Variants in CASS4 observed in about 807,000 individuals in gnomAD.
CASS4 encodes the protein cas scaffolding protein family member 4.
CASS4 carries 22 observed loss-of-function variants against 54.2 expected under a neutral mutation model. The ratio of observed to expected loss-of-function variants is 0.41; its 90% CI spans 0.29 to 0.58. CASS4 has a LOEUF of 0.58. Among genes scored for constraint, CASS4 ranks in the 20% least tolerant of loss-of-function variants. The pLI is 0.36. For missense variants in CASS4, 854 were observed against 986.7 expected, an observed-to-expected ratio of 0.87 and a Z score of 1.80; for synonymous variants, 409 against 391.5, an observed-to-expected ratio of 1.04 and a Z score of -0.53.
At chr20:56,432,948 C>A (rs73285297) in intron 1 of CASS4, among the ~76,000 whole-genome samples, 7 of 152,182 alleles carry the variant, frequency 4.6e-5, no homozygotes, top group Non-Finnish European at 7.3e-5. Flanking sequence ...GAAATAGGAG[C>A]GCTCATCCTG....
intron 2 of CASS4, among the ~76,000 whole-genome samples, chr20:56,443,965 T>G (rs893811316): frequency 3.9e-5 from 6 of 152,152 alleles, no homozygotes; most frequent in African/African-American, 1.4e-4. Flanking sequence ...ACCAAGTTTC[T>G]CAGGGAGTAA....
intron 1 of CASS4, among the ~76,000 whole-genome samples, chr20:56,413,650 G>A (rs1213678539): frequency 3.0e-5 from 4 of 133,546 alleles, no homozygotes; most frequent in Non-Finnish European, 6.1e-5. Flanking sequence ...TCCGGCCTGG[G>A]TGACAGAGCA....
chr20:56,454,089 G>A (rs973785011), intron 5 of CASS4, among the ~76,000 whole-genome samples: 1 of 152,132 alleles, frequency 6.6e-6, no homozygotes, highest in Non-Finnish European at 1.5e-5. Context: ...GCTGAGGCAG[G>A]AGAATCACTT....
chr20:56,440,241 G>A lies in CASS4; in HGVS notation c.459+2655G>A, dbSNP rs146244472. On this transcript the variant is annotated intron_variant, in intron 2 of 5. Coordinates refer to ENST00000679887, the MANE Select transcript of CASS4 (RefSeq NM_020356.4). Reference sequence around the variant, plus strand: ...TCTCTTTTCTGGAACAACTGGCCCCGATCTAGGCCTGGCATGCTCAGCTGC... The same window carrying A: ...TCTCTTTTCTGGAACAACTGGCCCCAATCTAGGCCTGGCATGCTCAGCTGC... Among the ~76,000 whole-genome samples the A allele has an allele frequency of 7.4e-4, 113 of 152,310 alleles. No homozygotes were observed. In the Middle Eastern group the frequency reaches 0.014, roughly 18 times the overall value.
chr20:56,439,038 G>A (rs1471271448), intron 2 of CASS4, among the ~76,000 whole-genome samples: 4 of 152,244 alleles, frequency 2.6e-5, no homozygotes, highest in Admixed American at 1.3e-4. Flanking sequence ...ATTCATTCCT[G>A]TGTCCTCAGC....
At chr20:56,445,236 C>T (rs1231988102) in intron 2 of CASS4, among the ~76,000 whole-genome samples, 1 of 152,210 alleles carries the variant, frequency 6.6e-6, no homozygotes, top group Non-Finnish European at 1.5e-5. Flanking sequence ...TCCCTCCTCC[C>T]CTCCCTCGCT....
rs535928266 is a variant in CASS4 at position 56,448,511 on chromosome 20, C to A, written c.562-2088C>A. ...CAAGCTCAGGGGATACAACTCAAGT[C>A]ATTGAATGGTCCCATGGGAACACTT... On this transcript the variant is annotated intron_variant, in intron 3 of 5. Transcript: ENST00000679887. Among the ~76,000 whole-genome samples, 5 of 152,180 alleles carry A rather than the reference C, an allele frequency of 3.3e-5. No individual in the cohort carries two copies. The South Asian group carries it at 1.0e-3, about 32-fold the overall frequency.
intron 1 of CASS4, among the ~76,000 whole-genome samples, chr20:56,415,375 C>T (rs975805493): frequency 6.6e-6 from 1 of 152,052 alleles, no homozygotes; most frequent in Non-Finnish European, 1.5e-5. Context: ...CCCAAGTTGT[C>T]GACACCTAGT....
chr20:56,423,554 T>G (rs891818023), intron 1 of CASS4, among the ~76,000 whole-genome samples: 2 of 152,186 alleles, frequency 1.3e-5, no homozygotes, highest in African/African-American at 4.8e-5. Context: ...ATTTATTTAT[T>G]TATTTATTGA....
At chr20:56,456,390 T>TC (rs915114521) in intron 5 of CASS4, among the ~76,000 whole-genome samples, 7 of 151,984 alleles carry the variant, frequency 4.6e-5, no homozygotes, top group South Asian at 2.1e-4. Flanking sequence ...CTTTTTTTTT[T>TC]TGAGACGAAG....
At chr20:56,440,655 C>A (rs1980410014) in intron 2 of CASS4, among the ~76,000 whole-genome samples, 1 of 152,246 alleles carries the variant, frequency 6.6e-6, no homozygotes, top group Admixed American at 6.5e-5. Flanking sequence ...AACTGCTAGA[C>A]TGACATCCGT....
chr20:56,454,954 T>C (rs532467386), intron 5 of CASS4, among the ~76,000 whole-genome samples: 1 of 152,250 alleles, frequency 6.6e-6, no homozygotes, highest in East Asian at 1.9e-4. Context: ...CATTAACCAT[T>C]ACTGAAATGA....
At chr20:56,423,959 T>G (rs1286647532) in intron 1 of CASS4, among the ~76,000 whole-genome samples, 3 of 152,146 alleles carry the variant, frequency 2.0e-5, no homozygotes, top group African/African-American at 7.2e-5. Flanking sequence ...ATTCAATAAT[T>G]TTCACCTTTT....
Position 56,452,601 on chromosome 20 carries a change from C to G in CASS4, c.1425C>G (p.Asn475Lys). 1 of 1,614,138 alleles carries G rather than the reference C, an allele frequency of 6.2e-7. No individual in the cohort carries two copies. Among genetic ancestry groups the G allele is most frequent in the Non-Finnish European group, 8.5e-7 (1 of 1,180,028 alleles). The change falls in exon 5 of 6, where the codon AAC (asparagine) becomes AAG (lysine). Residue 475 changes from asparagine to lysine, a missense_variant. By Grantham distance (94) the Asn-to-Lys change is moderately conservative. Coordinates refer to ENST00000679887, the MANE Select transcript of CASS4 (RefSeq NM_020356.4). ...GATTCCGAGACTATCTGGAGGCCAACATTGATGCAATCCACAGGTCCACTG... is the reference window on the plus strand; with the variant it reads ...GATTCCGAGACTATCTGGAGGCCAAGATTGATGCAATCCACAGGTCCACTG... ...KWRFRDYLEA[N>K]IDAIHRSTDH...
In CASS4 at chr20:56,437,102, G is replaced by A. The variant is rs1392410398; in HGVS notation, c.37-62G>A. 2.2e-6 allele frequency: 3 copies of A among 1,361,234 alleles called. No individual in the cohort carries two copies. The highest frequency in any genetic ancestry group is 3.0e-6 in the Non-Finnish European group (3 of 996,934). 84.3% of individuals were successfully genotyped at this position (1,361,234 alleles called of 1,614,324 possible). On this transcript the variant is annotated intron_variant, in intron 1 of 5. Coordinates refer to ENST00000679887, the MANE Select transcript of CASS4 (RefSeq NM_020356.4). This position sits in a 1 kb window ranked among gnomAD's most constrained non-coding sequence, Gnocchi z 4.7. The stretch of plus-strand genomic sequence containing the variant: ...TGAAGCTTTCTAAGAGAGTGGGATT[G>A]GAGTAGCAGTCACTGGCCACGGTGC...
chr20:56,446,266 T>C (rs1027033604), intron 3 of CASS4, among the ~76,000 whole-genome samples: 1 of 152,236 alleles, frequency 6.6e-6, no homozygotes, highest in African/African-American at 2.4e-5. Context: ...GTTTTTTCTT[T>C]TTCTTGTTGA....
At position 56,428,217 on chromosome 20, in the gene CASS4, G is replaced by A. The variant is rs954127154; in HGVS notation, c.37-8947G>A. Among the ~76,000 whole-genome samples, 9 of 152,152 alleles carry A rather than the reference G, an allele frequency of 5.9e-5. No individual in the cohort carries two copies. In the South Asian group the frequency reaches 1.0e-3, roughly 18 times the overall value. ...GGAGCATAAGTGTTTGGTGTCAGGC[G>A]GGCTGTGAAAGATAAAACAAGGAGG... On this transcript the variant is annotated intron_variant, in intron 1 of 5. Coordinates refer to ENST00000679887, the MANE Select transcript of CASS4 (RefSeq NM_020356.4).
intron 4 of CASS4, 79 bp downstream of exon 4, chr20:56,450,758 G>A (rs967722569): frequency 1.5e-6 from 2 of 1,368,914 alleles, no homozygotes; most frequent in African/African-American, 1.4e-5. Context: ...TTGGGGCCAG[G>A]CACGGTGGCT....
rs936804015 is a variant in CASS4, at chr20:56,443,073, G to A, written c.460-2827G>A. ...AGCATTTGGAAAGGGTCTGCGGGGG[G>A]AGAAAGCTTGGTGTGTTTCTGGGAG... On this transcript the variant is annotated intron_variant, in intron 2 of 5. Transcript: ENST00000679887. 2.9e-5 allele frequency among the ~76,000 whole-genome samples: 4 copies of A among 137,872 alleles called. 1 individual carries two copies. The highest frequency in any genetic ancestry group is 4.3e-4 in the South Asian group (2 of 4,670). The allele number at this position is 137,872 out of a possible 152,430, so 90.4% of individuals were successfully genotyped here.
Sources: allele counts gnomAD v4.1 joint callset (sites outside exome capture counted in the v4.1 genomes callset), GRCh38; gene constraint gnomAD v4.1.1; non-coding constraint Gnocchi (gnomAD v3.1); transcripts MANE v1.5; gene names NCBI Gene and HGNC (gene_info 2026-07-23, HGNC 2026-07-21).